Variants in AHRR observed in about 807,000 individuals in gnomAD.
AHRR encodes ahR repressor.
In AHRR, 28 loss-of-function variants were observed where a neutral mutation model predicts 44.0. That is an observed-to-expected ratio of 0.64 (90% CI 0.47 to 0.87). The LOEUF (loss-of-function observed/expected upper bound fraction) is 0.87. Among genes scored for constraint, AHRR ranks in the 40% least tolerant of loss-of-function variants. The probability of loss-of-function intolerance (pLI) is 0.00; values close to 1 mark genes in which losing one functional copy is unlikely to be tolerated. For synonymous variants in AHRR, 434 were observed against 407.0 expected, an observed-to-expected ratio of 1.07 and a Z score of -0.80; for missense variants, 990 against 953.9, an observed-to-expected ratio of 1.04 and a Z score of -0.50.
chr5:336,003 TGCCTC>T (rs2126340832), intron 1 of AHRR, among the ~76,000 whole-genome samples: 1 of 152,336 alleles, frequency 6.6e-6, no homozygotes, highest in African/African-American at 2.4e-5. Context: ...GTTTCCCTAA[TGCCTC>T]GGACTGGCAC....
intron 3 of AHRR, among the ~76,000 whole-genome samples, chr5:369,491 G>T (rs1165697940): frequency 6.6e-6 from 1 of 152,212 alleles, no homozygotes; most frequent in East Asian, 1.9e-4. Context: ...CGAGCATGCA[G>T]CACAGCCCGA....
chr5:331,481 G>C (rs1741909781), intron 1 of AHRR, among the ~76,000 whole-genome samples: 1 of 152,112 alleles, frequency 6.6e-6, no homozygotes, highest in African/African-American at 2.4e-5. Flanking sequence ...TCTGGTCTTT[G>C]TTATTTCTTT....
At chr5:413,482 T>C (rs920472580) in intron 5 of AHRR, 49 bp downstream of exon 5, 2 of 1,306,516 alleles carry the variant, frequency 1.5e-6, no homozygotes, top group Admixed American at 2.0e-5. Flanking sequence ...CTATGTTGTC[T>C]TCCCTTTGTA....
At chr5:327,438 A>G (rs1741751396) in intron 1 of AHRR, among the ~76,000 whole-genome samples, 1 of 152,206 alleles carries the variant, frequency 6.6e-6, no homozygotes, top group South Asian at 2.1e-4. Context: ...GTCCGTGTGT[A>G]TACAAATTCA....
At chr5:381,544 C>CTCACTCTG (rs1054787581) in intron 4 of AHRR, among the ~76,000 whole-genome samples, 1 of 114,814 alleles carries the variant, frequency 8.7e-6, no homozygotes, top group African/African-American at 3.1e-5. Context: ...GAGACAGAGC[C>CTCACTCTG]TCACTCTGTC....
At chr5:424,608 G>A (rs1736303905) in intron 7 of AHRR, among the ~76,000 whole-genome samples, 1 of 152,142 alleles carries the variant, frequency 6.6e-6, no homozygotes, top group Non-Finnish European at 1.5e-5. Context: ...CTCTGCAGTA[G>A]GTTTATACTC....
At chr5:371,555 G>A (rs11737917) in intron 3 of AHRR, among the ~76,000 whole-genome samples, 13,823 of 152,214 alleles carry the variant, frequency 0.091, 879 homozygotes, top group Non-Finnish European at 0.12. Flanking sequence ...CCTCATGCAC[G>A]GGTAAGCCCC....
rs2126464757 is a variant in AHRR, at chr5:388,692, C to T, written c.351+11976C>T. ...GGGGTGTCAGAGCCAGGGGCACCGTCCTCCCATTGGCCAGGACGAGGACTA... is the reference window on the plus strand; with the variant it reads ...GGGGTGTCAGAGCCAGGGGCACCGTTCTCCCATTGGCCAGGACGAGGACTA... On this transcript the variant is annotated intron_variant, in intron 4 of 10. Coordinates refer to ENST00000684583, the MANE Select transcript of AHRR (RefSeq NM_001377236.1). The surrounding 1 kb of genome is among the most constrained non-coding windows in gnomAD (Gnocchi z 5.2). Among the ~76,000 whole-genome samples the T allele has an allele frequency of 6.6e-6, 1 of 152,176 alleles. No individual in the cohort carries two copies.
At chr5:423,640 A>G (rs555957574) in intron 6 of AHRR, among the ~76,000 whole-genome samples, 2 of 152,352 alleles carry the variant, frequency 1.3e-5, no homozygotes, top group Non-Finnish European at 2.9e-5. Flanking sequence ...ATGCACATGT[A>G]CTAAAAACGA....
Position 338,499 on chromosome 5 carries a change from T to C in AHRR, c.-10-5394T>C, listed in dbSNP as rs1390924939. ...CTTGTTTCTGATGAGGAATCTGCTG[T>C]CATCTTATTTTTGATCCTTTGTACC... On this transcript the variant is annotated intron_variant, in intron 1 of 10. Coordinates refer to ENST00000684583, the MANE Select transcript of AHRR (RefSeq NM_001377236.1). This position sits in a 1 kb window ranked among gnomAD's most constrained non-coding sequence, Gnocchi z 4.1. Among the ~76,000 whole-genome samples, 3 of 152,186 alleles carry C rather than the reference T, an allele frequency of 2.0e-5. No homozygotes were observed. Among genetic ancestry groups the C allele is most frequent in the Non-Finnish European group, 2.9e-5 (2 of 68,028 alleles).
chr5:322,789 G>A (rs1455289643), intron 1 of AHRR: 2 of 152,274 alleles, frequency 1.3e-5, no homozygotes, highest in South Asian at 2.1e-4. Context: ...AAAGCCACGA[G>A]TAACAAGAAC....
In AHRR at chr5:434,751, G is replaced by A. The variant is rs1188600100; in HGVS notation, c.2011G>A (p.Gly671Arg). 6.4e-7 allele frequency: 1 copy of A among 1,567,378 alleles called. No individual in the cohort carries two copies. Among genetic ancestry groups the A allele is most frequent in the East Asian group, 2.4e-5 (1 of 42,250 alleles). ...ACCCCAGTGGGCTACTCACAGCCAG[G>A]GAATGGTGCCCGGGATGTTGCCCAA... is the stretch of plus-strand genomic sequence containing the variant. Reference protein sequence around the residue: ...DSPQWATHSQGMVPGMLPKSA... With the variant: ...DSPQWATHSQRMVPGMLPKSA... Residue 671 changes from glycine (G) to arginine (R), a missense_variant, in exon 11 of 11, where the codon GGA (glycine) becomes AGA (arginine). By Grantham distance (125) the Gly-to-Arg change is moderately radical. Coordinates refer to ENST00000684583, the MANE Select transcript of AHRR (RefSeq NM_001377236.1).
chr5:421,306 C>T (rs1579698979), intron 5 of AHRR: 2 of 696,248 alleles, frequency 2.9e-6, no homozygotes, highest in African/African-American at 1.8e-5. Context: ...GCTGCAGGTG[C>T]CCCCACGGTC....
chr5:425,555 A>G (rs1030580295), intron 7 of AHRR, among the ~76,000 whole-genome samples: 1 of 152,236 alleles, frequency 6.6e-6, no homozygotes, highest in African/African-American at 2.4e-5. Context: ...GGAAATTAAG[A>G]TACTTACTTT....
intron 4 of AHRR, among the ~76,000 whole-genome samples, chr5:400,934 G>A (rs561906390): frequency 1.2e-4 from 18 of 152,316 alleles, no homozygotes; most frequent in East Asian, 1.2e-3. Context: ...AGGAGCCGGC[G>A]GGCACAGACC....
In AHRR at chr5:423,896, GC is replaced by G. The variant is rs778654496; in HGVS notation, c.630del (p.Thr211ProfsTer7). 1.9e-6 allele frequency: 3 copies of G among 1,604,674 alleles called. No homozygotes were observed. In the South Asian group the frequency reaches 3.3e-5, roughly 18 times the overall value. ...LRAQEWGTGT[P>X]TEYSAFLTRC... ...GGGCCCAGGAGTGGGGCACAGGCACGCCCACCGAGTACTCGGCCTTCCTGAC... is the reference window on the plus strand; with the variant it reads ...GGGCCCAGGAGTGGGGCACAGGCACGCCACCGAGTACTCGGCCTTCCTGAC... On this transcript the variant is annotated frameshift_variant, in exon 7 of 11. Transcript: ENST00000684583.
chr5:402,344 G>A (rs1735048792), intron 4 of AHRR, among the ~76,000 whole-genome samples: 1 of 151,760 alleles, frequency 6.6e-6, no homozygotes, highest in South Asian at 2.1e-4. Flanking sequence ...TTGGCGGGAA[G>A]GCAGTCGTTG....
intron 7 of AHRR, among the ~76,000 whole-genome samples, chr5:425,816 A>G (rs1322408302): frequency 3.3e-5 from 5 of 152,236 alleles, no homozygotes; most frequent in African/African-American, 1.2e-4. Flanking sequence ...ATTAAAATCC[A>G]TTCATCCACA....
chr5:409,656 G>GT lies in AHRR; in HGVS notation c.352-3677dup, dbSNP rs372901568. ...AACGTTTGTCCCATGGTTTAAAATT[G>GT]TTTTTTTTTTTAATTGTTGATTTGT... On this transcript the variant is annotated intron_variant, in intron 4 of 10. Transcript: ENST00000684583. Among the ~76,000 whole-genome samples the GT allele has an allele frequency of 3.8e-3, 556 of 147,810 alleles. 4 individuals carry two copies. Among genetic ancestry groups the GT allele is most frequent in the African/African-American group, 0.012 (491 of 40,476 alleles).
Sources: allele counts gnomAD v4.1 joint callset (sites outside exome capture counted in the v4.1 genomes callset), GRCh38; gene constraint gnomAD v4.1.1; non-coding constraint Gnocchi (gnomAD v3.1); transcripts MANE v1.5; gene names NCBI Gene and HGNC (gene_info 2026-07-23, HGNC 2026-07-21).